Variants in SHROOM3 observed in about 807,000 individuals in gnomAD.
SHROOM3 encodes shroom family member 3.
A neutral mutation model predicts 138.6 loss-of-function variants in SHROOM3; 47 were observed. That is an observed-to-expected ratio of 0.34 (90% CI 0.27 to 0.43). SHROOM3 has a LOEUF of 0.43. SHROOM3 is among the 20% of genes least tolerant of loss of function. SHROOM3 has a pLI of 1.00. For synonymous variants in SHROOM3, 1,062 were observed against 1,063.3 expected (o/e 1.00, Z 0.02); for missense variants, 2,491 against 2,596.5 (o/e 0.96, Z 0.88).
At chr4:76,704,211 G>C (rs1241400874) in intron 2 of SHROOM3, among the ~76,000 whole-genome samples, 1 of 152,222 alleles carries the variant, frequency 6.6e-6, no homozygotes, top group East Asian at 1.9e-4. Flanking sequence ...AGGTTCCTAT[G>C]ATTCATTCAG....
rs188001546 is a variant in SHROOM3 at position 76,556,933 on chromosome 4, C to G, written c.323+1170C>G. Among the ~76,000 whole-genome samples the G allele has an allele frequency of 1.1e-4, 17 of 152,202 alleles. No homozygotes were observed. In the East Asian group the frequency reaches 3.3e-3, roughly 29 times the overall value. On this transcript the variant is annotated intron_variant, in intron 2 of 10. Transcript: ENST00000296043. ...CTCTCCCTAGTGTGCTGGGCTGTGT[C>G]TGGTCTGTCTACAGGGCCATCAACC...
Position 76,756,864 on chromosome 4 carries a change from T to C in SHROOM3, c.5125T>C (p.Leu1709=), listed in dbSNP as rs1171925403. The C allele has an allele frequency of 6.2e-7, 1 of 1,613,952 alleles. No individual in the cohort carries two copies. The highest frequency in any genetic ancestry group is 8.5e-7 in the Non-Finnish European group (1 of 1,180,038). Residue 1709 remains leucine (L), a synonymous_variant, in exon 8 of 11, where the codon TTG becomes CTG. Coordinates refer to ENST00000296043, the MANE Select transcript of SHROOM3 (RefSeq NM_020859.4). ...MEGLFPRDVN[L]LKENSVKRKA... is the part of the protein sequence containing the mutation. ...AGGTTTGTTTCCCCGAGATGTGAAC[T>C]TGCTGAAGGAAAACAGTGTAAAGAG...
rs1721169827 is a variant in SHROOM3 at position 76,739,198 on chromosome 4, A to G, written c.1025A>G (p.Gln342Arg). The stretch of plus-strand genomic sequence containing the variant: ...GAGGCCCGAGCCTCAGCAAATGGTC[A>G]GGGCTATGATAAATGGTCTAATATT... ...GREARASANG[Q>R]GYDKWSNIPR... is the part of the protein sequence containing the mutation. The change falls in exon 5 of 11, where the codon CAG becomes CGG. Residue 342 changes from glutamine to arginine, a missense_variant. Coordinates refer to ENST00000296043, the MANE Select transcript of SHROOM3 (RefSeq NM_020859.4). 6.2e-7 allele frequency: 1 copy of G among 1,614,190 alleles called. No homozygotes were observed. Among genetic ancestry groups the G allele is most frequent in the Non-Finnish European group, 8.5e-7 (1 of 1,180,040 alleles).
At chr4:76,633,936 A>G (rs1051716698) in intron 2 of SHROOM3, among the ~76,000 whole-genome samples, 2 of 152,186 alleles carry the variant, frequency 1.3e-5, no homozygotes, top group African/African-American at 4.8e-5. Context: ...CAGTATTGGT[A>G]TAGAATGACA....
chr4:76,560,925 A>G (rs1317565214), intron 2 of SHROOM3, among the ~76,000 whole-genome samples: 1 of 152,228 alleles, frequency 6.6e-6, no homozygotes, highest in Non-Finnish European at 1.5e-5. Context: ...AATAAGAATC[A>G]TGTGGGTATG....
intron 2 of SHROOM3, among the ~76,000 whole-genome samples, chr4:76,633,128 T>C (rs1389560426): frequency 1.3e-5 from 2 of 151,024 alleles, no homozygotes; most frequent in African/African-American, 4.9e-5. Flanking sequence ...CCCAGCACTT[T>C]GGAAGGCTGA....
At chr4:76,669,470 A>G (rs1718813116) in intron 2 of SHROOM3, among the ~76,000 whole-genome samples, 1 of 152,040 alleles carries the variant, frequency 6.6e-6, no homozygotes, top group African/African-American at 2.4e-5. Flanking sequence ...AAAATTCAAA[A>G]AGAATTAGCT....
chr4:76,566,470 TC>T (rs1306651315), intron 2 of SHROOM3, among the ~76,000 whole-genome samples: 5 of 152,084 alleles, frequency 3.3e-5, no homozygotes, highest in Non-Finnish European at 5.9e-5. Context: ...TTAGCATAAA[TC>T]CCCCATTTCT....
intron 6 of SHROOM3, among the ~76,000 whole-genome samples, chr4:76,751,729 A>G (rs1209179665): frequency 6.6e-6 from 1 of 152,214 alleles, no homozygotes; most frequent in Non-Finnish European, 1.5e-5. Flanking sequence ...CAACACCACT[A>G]ATCATCAGAG....
chr4:76,491,892 A>G (rs1236658690), intron 1 of SHROOM3, among the ~76,000 whole-genome samples: 3 of 152,216 alleles, frequency 2.0e-5, no homozygotes, highest in Non-Finnish European at 4.4e-5. Context: ...GAAAAACACC[A>G]TGTGGGAAAT....
At chr4:76,683,052 G>T (rs1719243749) in intron 2 of SHROOM3, among the ~76,000 whole-genome samples, 1 of 152,122 alleles carries the variant, frequency 6.6e-6, no homozygotes, top group African/African-American at 2.4e-5. Flanking sequence ...TTATCTGAAA[G>T]CCCTTGTTTT....
intron 2 of SHROOM3, among the ~76,000 whole-genome samples, chr4:76,646,002 C>G (rs1015255107): frequency 4.6e-5 from 7 of 151,938 alleles, no homozygotes; most frequent in African/African-American, 1.7e-4. Flanking sequence ...GGGCAACTAG[C>G]TTCCATCTGA....
chr4:76,602,378 T>C (rs925682089), intron 2 of SHROOM3, among the ~76,000 whole-genome samples: 6 of 152,192 alleles, frequency 3.9e-5, no homozygotes, highest in African/African-American at 1.4e-4. Flanking sequence ...TCTTACAACA[T>C]ATAAAGTTAA....
intron 1 of SHROOM3, among the ~76,000 whole-genome samples, chr4:76,513,884 T>A (rs1378102934): frequency 6.6e-6 from 1 of 152,178 alleles, no homozygotes; most frequent in Non-Finnish European, 1.5e-5. Flanking sequence ...CGTTTTATAG[T>A]CATTAACTTA....
At chr4:76,770,540 T>G (rs1164137043) in intron 9 of SHROOM3, 86 bp from the exon 10 acceptor site, 2 of 1,520,322 alleles carry the variant, frequency 1.3e-6, no homozygotes, top group Middle Eastern at 2.3e-4. Context: ...GCCTTGAAGA[T>G]GACAGAAGGT....
intron 2 of SHROOM3, 88 bp from the exon 3 acceptor site, chr4:76,710,068 C>T: frequency 6.3e-7 from 1 of 1,593,332 alleles, no homozygotes; most frequent in Non-Finnish European, 8.6e-7. Context: ...GGTTCGTTTT[C>T]ATGTGCTTTT....
Position 76,436,087 on chromosome 4 carries a change from G to T in SHROOM3, c.35G>T (p.Ser12Ile). Residue 12 changes from serine to isoleucine, a missense_variant, in exon 1 of 11, where the codon AGT becomes ATT. Transcript: ENST00000296043. ...ACCACTGAAGACTTCCACAAGCCTA[G>T]TGCCACATTAAACTCTAACACGGCC... ...MRTTEDFHKP[S>I]ATLNSNTATK... is the part of the protein sequence containing the mutation. 2.5e-6 allele frequency: 4 copies of T among 1,614,028 alleles called. No individual in the cohort carries two copies. Among genetic ancestry groups the T allele is most frequent in the Non-Finnish European group, 3.4e-6 (4 of 1,179,936 alleles).
intron 2 of SHROOM3, chr4:76,709,819 C>T: frequency 3.3e-6 from 1 of 299,206 alleles, no homozygotes; most frequent in South Asian, 3.1e-5. Flanking sequence ...TCCCTTATTA[C>T]CAAAACCAAA....
rs138628717 is a variant in SHROOM3 at position 76,596,035 on chromosome 4, T to C, written c.323+40272T>C. Among the ~76,000 whole-genome samples, 475 of 152,302 alleles carry C rather than the reference T, an allele frequency of 3.1e-3. 3 individuals carry two copies. The highest frequency in any genetic ancestry group is 0.011 in the African/African-American group (457 of 41,568). ...CACACACTGAATCCTATTGCAAAGA[T>C]AAAAGTGAGGTCTTTTTTTTCACCT... On this transcript the variant is annotated intron_variant, in intron 2 of 10. Transcript: ENST00000296043.
Sources: allele counts gnomAD v4.1 joint callset (sites outside exome capture counted in the v4.1 genomes callset), GRCh38; gene constraint gnomAD v4.1.1; transcripts MANE v1.5; gene names NCBI Gene and HGNC (gene_info 2026-07-23, HGNC 2026-07-21).